Variants in CDH13 observed in about 807,000 individuals in gnomAD.
CDH13 encodes the protein cadherin-13.
In CDH13, 24 loss-of-function variants were observed where a neutral mutation model predicts 63.8. That is an observed-to-expected ratio of 0.38 (90% confidence interval 0.27 to 0.53). The LOEUF is 0.53. Among genes scored for constraint, CDH13 ranks in the 20% least tolerant of loss-of-function variants. The pLI is 0.85. For synonymous variants in CDH13, 503 were observed against 355.3 expected (o/e 1.42, Z -4.67); for missense variants, 1,049 against 903.1 (o/e 1.16, Z -2.07).
intron 7 of CDH13, among the ~76,000 whole-genome samples, chr16:83,602,104 C>CA (rs1567797536): frequency 8.1e-4 from 3 of 3,722 alleles, no homozygotes; most frequent in Non-Finnish European, 8.4e-4. Context: ...AAAAGAACAA[C>CA]AACAAAAAAA....
chr16:83,080,803 T>C (rs2033175996), intron 3 of CDH13, among the ~76,000 whole-genome samples: 5 of 151,734 alleles, frequency 3.3e-5, no homozygotes, highest in Middle Eastern at 3.4e-3. Context: ...GGCAGAAAAT[T>C]AGTGGGTTAT....
intron 7 of CDH13, among the ~76,000 whole-genome samples, chr16:83,524,661 C>T (rs1215704531): frequency 6.6e-6 from 1 of 151,896 alleles, no homozygotes; most frequent in Admixed American, 6.6e-5. Flanking sequence ...ACCATGTTAG[C>T]CAGGATGGTC....
intron 5 of CDH13, among the ~76,000 whole-genome samples, chr16:83,334,665 C>T (rs1178452683): frequency 1.3e-5 from 2 of 152,250 alleles, no homozygotes; most frequent in East Asian, 1.9e-4. Context: ...CATGAGCCAC[C>T]ATACCTGGCC....
At chr16:83,673,919 G>C (rs886798259) in intron 9 of CDH13, among the ~76,000 whole-genome samples, 1 of 152,218 alleles carries the variant, frequency 6.6e-6, no homozygotes. Flanking sequence ...GCTGACTTCA[G>C]CTTTGCTAGT....
Position 83,163,115 on chromosome 16 carries a change from A to G in CDH13, c.483+37614A>G, listed in dbSNP as rs569976577. On this transcript the variant is annotated intron_variant, in intron 4 of 13. Transcript: ENST00000567109. Reference sequence around the variant, plus strand: ...TATATAAAAATGAGAATTTCCCTGCACAAGTTCTCTTCTCTTATCTGCCAC... The same window carrying G: ...TATATAAAAATGAGAATTTCCCTGCGCAAGTTCTCTTCTCTTATCTGCCAC... Among the ~76,000 whole-genome samples, 52 of 152,254 alleles carry G rather than the reference A, an allele frequency of 3.4e-4. 1 individual carries two copies. Among genetic ancestry groups the G allele is most frequent in the African/African-American group, 1.3e-3 (52 of 41,566 alleles).
At chr16:83,548,538 G>A (rs565058280) in intron 7 of CDH13, among the ~76,000 whole-genome samples, 1 of 152,280 alleles carries the variant, frequency 6.6e-6, no homozygotes, top group South Asian at 2.1e-4. Flanking sequence ...TTTGGGTCTT[G>A]TCTTGCTAAC....
chr16:83,281,886 C>T lies in CDH13; in HGVS notation c.637-62976C>T, dbSNP rs372539104. Among the ~76,000 whole-genome samples, 146 of 152,274 alleles carry T rather than the reference C, an allele frequency of 9.6e-4. 1 individual carries two copies. The South Asian group carries it at 0.02, about 21-fold the overall frequency. On this transcript the variant is annotated intron_variant, in intron 5 of 13. Coordinates refer to ENST00000567109, the MANE Select transcript of CDH13 (RefSeq NM_001257.5). ...CGAGATTGCACCACTGCATTCTAAC[C>T]TCGGCAACAGAGCGGGACTCCGTTT...
chr16:82,869,277 C>G (rs375868592), intron 2 of CDH13, among the ~76,000 whole-genome samples: 1 of 151,998 alleles, frequency 6.6e-6, no homozygotes, highest in African/African-American at 2.4e-5. Context: ...AACTCCTGGC[C>G]TCAAACGATC....
At chr16:83,060,074 G>A (rs544871089) in intron 3 of CDH13, among the ~76,000 whole-genome samples, 13 of 152,142 alleles carry the variant, frequency 8.5e-5, no homozygotes, top group South Asian at 4.1e-4. Flanking sequence ...GATTACAAAC[G>A]TGAGCCACCG....
At chr16:82,748,562 T>C (rs17274905) in intron 1 of CDH13, among the ~76,000 whole-genome samples, 41,188 of 152,024 alleles carry the variant, frequency 0.27, 6,284 homozygotes, top group South Asian at 0.38. Context: ...AATTTTTGGA[T>C]TGTGACCTCA....
At chr16:82,690,946 G>A (rs1481333208) in intron 1 of CDH13, among the ~76,000 whole-genome samples, 1 of 152,214 alleles carries the variant, frequency 6.6e-6, no homozygotes, top group African/African-American at 2.4e-5. Context: ...CAGTCATCTA[G>A]CTGGGAAGGT....
intron 5 of CDH13, among the ~76,000 whole-genome samples, chr16:83,317,130 C>A (rs747028168): frequency 6.6e-6 from 1 of 152,174 alleles, no homozygotes; most frequent in African/African-American, 2.4e-5. Flanking sequence ...TCCTACAATG[C>A]CCAGAAAAGT....
intron 4 of CDH13, among the ~76,000 whole-genome samples, chr16:83,205,233 G>A (rs1004332928): frequency 6.6e-6 from 1 of 152,202 alleles, no homozygotes; most frequent in Non-Finnish European, 1.5e-5. Flanking sequence ...TCAGGAGAGT[G>A]AAACACACAG....
intron 5 of CDH13, among the ~76,000 whole-genome samples, chr16:83,288,574 C>G (rs767864717): frequency 6.6e-6 from 1 of 152,210 alleles, no homozygotes; most frequent in Non-Finnish European, 1.5e-5. Flanking sequence ...ACAGAGCCAG[C>G]TGTCCAGGCA....
intron 13 of CDH13, 55 bp downstream of exon 13, chr16:83,783,527 G>T (rs750322892): frequency 3.7e-6 from 5 of 1,360,744 alleles, no homozygotes; most frequent in Admixed American, 1.7e-5. Context: ...ACTTCACTGG[G>T]TTCGTGAAGC....
chr16:83,303,839 C>T (rs1597705559), intron 5 of CDH13, among the ~76,000 whole-genome samples: 1 of 152,244 alleles, frequency 6.6e-6, no homozygotes. Flanking sequence ...TAAACTACAC[C>T]TTGGCAAGGG....
chr16:83,683,260 G>A (rs1296396096), intron 10 of CDH13, among the ~76,000 whole-genome samples: 2 of 152,200 alleles, frequency 1.3e-5, no homozygotes, highest in African/African-American at 2.4e-5. Flanking sequence ...AGTGACAGAT[G>A]AAATTCTTCT....
rs2032727142 is a variant in CDH13, at chr16:82,720,853, A to G, written c.45+93716A>G. Among the ~76,000 whole-genome samples the G allele has an allele frequency of 2.6e-5, 4 of 152,234 alleles. No individual in the cohort carries two copies. The South Asian group carries it at 8.3e-4, about 31-fold the overall frequency. ...TGAGCAAAAGGCCCTCGCCTGGCTC[A>G]TTCGCCAATGAGTCTCCTGTGCCTG... On this transcript the variant is annotated intron_variant, in intron 1 of 13. Transcript: ENST00000567109.
rs182354494 is a variant in CDH13 at position 82,706,797 on chromosome 16, C to G, written c.45+79660C>G. Among the ~76,000 whole-genome samples, 290 of 151,406 alleles carry G rather than the reference C, an allele frequency of 1.9e-3. 1 individual carries two copies. Among genetic ancestry groups the G allele is most frequent in the African/African-American group, 6.7e-3 (274 of 41,108 alleles). On this transcript the variant is annotated intron_variant, in intron 1 of 13. Coordinates refer to ENST00000567109, the MANE Select transcript of CDH13 (RefSeq NM_001257.5). ...CCAGCCTGGGTGACAGAGCGAGACT[C>G]TGTCTCAAAAAAAAAATAAAATAAA...
Sources: allele counts gnomAD v4.1 joint callset (sites outside exome capture counted in the v4.1 genomes callset), GRCh38; gene constraint gnomAD v4.1.1; transcripts MANE v1.5; gene names NCBI Gene and HGNC (gene_info 2026-07-23, HGNC 2026-07-21).